Variants in ANK1 observed in about 807,000 individuals in gnomAD.
ANK1 encodes the protein ankyrin-1.
A neutral mutation model predicts 210.4 loss-of-function variants in ANK1; 51 were observed. The ratio of observed to expected loss-of-function variants is 0.24; its 90% CI spans 0.19 to 0.31. The LOEUF (loss-of-function observed/expected upper bound fraction) is 0.31. Among genes scored for constraint, ANK1 ranks in the 10% least tolerant of loss-of-function variants. The pLI, the probability that ANK1 is intolerant of heterozygous loss-of-function variation, is 1.00. For synonymous variants in ANK1, 967 were observed against 1,025.9 expected (o/e 0.94, Z 1.10); for missense variants, 2,051 against 2,504.4 (o/e 0.82, Z 3.86).
chr8:41,810,390 G>A lies in ANK1; in HGVS notation c.127-52253C>T, dbSNP rs574548917. ...CTATTTTATATTTCCCCCCAAAAGA[G>A]GGAAATCTTGGGCAATGGCCACTCC... On this transcript the variant is annotated intron_variant, in intron 1 of 42. Transcript: ENST00000265709. Among the ~76,000 whole-genome samples the A allele has an allele frequency of 2.6e-5, 4 of 152,322 alleles. No homozygotes were observed. The East Asian group carries it at 7.7e-4, about 29-fold the overall frequency.
intron 37 of ANK1, among the ~76,000 whole-genome samples, chr8:41,673,574 G>C (rs557253436): frequency 6.6e-6 from 1 of 152,274 alleles, no homozygotes; most frequent in Admixed American, 6.5e-5. Context: ...AGTGCTACAG[G>C]GGAGGGCTCT....
chr8:41,690,714 G>A, intron 31 of ANK1, 115 bp from the exon 32 acceptor site: 2 of 1,477,882 alleles, frequency 1.4e-6, no homozygotes, highest in Non-Finnish European at 1.9e-6. Context: ...CAAGAGGCAT[G>A]CGGGTGTGTG....
At chr8:41,816,535 CT>C (rs2150786486) in intron 1 of ANK1, among the ~76,000 whole-genome samples, 1 of 152,236 alleles carries the variant, frequency 6.6e-6, no homozygotes, top group South Asian at 2.1e-4. Flanking sequence ...AACTTCTGGG[CT>C]CAAGGGATCC....
chr8:41,828,699 G>C (rs948227465), intron 1 of ANK1: 23 of 153,454 alleles, frequency 1.5e-4, no homozygotes, highest in African/African-American at 5.3e-4. Flanking sequence ...GAGAGGGGGC[G>C]CTCGTAATGA....
Position 41,664,904 on chromosome 8 carries a change from G to T in ANK1, c.5395-1162C>A, listed in dbSNP as rs145094714. ...CCAGCTCCTTGTCCAGCTCCTGGTG[G>T]ATGTGCTTTAGCACAAAGCACAGGG... On this transcript the variant is annotated intron_variant, in intron 39 of 42. Transcript: ENST00000289734. 3,526 of 1,614,194 alleles carry T rather than the reference G, an allele frequency of 2.2e-3. 19 individuals carry two copies. The highest frequency in any genetic ancestry group is 0.011 in the South Asian group (1,046 of 91,084).
chr8:41,717,073 G>A, intron 12 of ANK1, 22 bp from the exon 13 acceptor site: 2 of 1,612,726 alleles, frequency 1.2e-6, no homozygotes, highest in Non-Finnish European at 1.7e-6. Context: ...CAAAATTATA[G>A]AACTGTTCAT....
In ANK1 at chr8:41,655,615, T is replaced by C; in HGVS notation, c.*175A>G. 1 of 1,322,568 alleles carries C rather than the reference T, an allele frequency of 7.6e-7. No homozygotes were observed. Among genetic ancestry groups the C allele is most frequent in the Non-Finnish European group, 1.1e-6 (1 of 923,692 alleles). The allele number at this position is 1,322,568 out of a possible 1,614,324, so 81.9% of individuals were successfully genotyped here. The stretch of plus-strand genomic sequence containing the variant: ...TCAGTCATTCATGCCAAGAGGGGAC[T>C]AGCAGGAGTCCCTTACAGAGGTCAT... On this transcript the variant is annotated 3_prime_UTR_variant, in exon 43 of 43. Coordinates refer to ENST00000289734, the MANE Select transcript of ANK1 (RefSeq NM_000037.4).
intron 1 of ANK1, among the ~76,000 whole-genome samples, chr8:41,876,710 G>A (rs1413321768): frequency 6.6e-6 from 1 of 152,170 alleles, no homozygotes; most frequent in Non-Finnish European, 1.5e-5. Flanking sequence ...CTAATCGCAC[G>A]TGTCATGTTT....
intron 1 of ANK1, among the ~76,000 whole-genome samples, chr8:41,793,480 C>T (rs1279583429): frequency 4.6e-5 from 7 of 152,234 alleles, no homozygotes; most frequent in East Asian, 1.9e-4. Flanking sequence ...ACTGTGAAGC[C>T]ACTGAAGATT....
intron 8 of ANK1, 95 bp downstream of exon 8, chr8:41,723,440 C>A (rs1335169306): frequency 6.9e-7 from 1 of 1,441,676 alleles, no homozygotes; most frequent in East Asian, 2.3e-5. Context: ...GTGGTGCATC[C>A]CTAACTAGGT....
chr8:41,682,388 G>C (rs1816341564), intron 37 of ANK1, among the ~76,000 whole-genome samples: 1 of 152,244 alleles, frequency 6.6e-6, no homozygotes, highest in Non-Finnish European at 1.5e-5. Flanking sequence ...CACGTTAACT[G>C]CTGGTGTGTG....
intron 1 of ANK1, among the ~76,000 whole-genome samples, chr8:41,824,520 C>T (rs538542097): frequency 6.6e-6 from 1 of 152,272 alleles, no homozygotes; most frequent in African/African-American, 2.4e-5. Flanking sequence ...CCTATGGAAA[C>T]AGAAATTCTA....
At chr8:41,876,027 G>A (rs1263021669) in intron 1 of ANK1, among the ~76,000 whole-genome samples, 2 of 151,942 alleles carry the variant, frequency 1.3e-5, no homozygotes, top group African/African-American at 4.8e-5. Flanking sequence ...CCGCGACCTC[G>A]CAGGTTCGCG....
chr8:41,710,246 C>T (rs544065313), intron 16 of ANK1, among the ~76,000 whole-genome samples: 8 of 152,022 alleles, frequency 5.3e-5, no homozygotes, highest in South Asian at 2.1e-4. Context: ...ATTTTTTTTG[C>T]GCTTCATTAA....
chr8:41,672,816 G>A lies in ANK1; in HGVS notation c.4634C>T (p.Ala1545Val). 2 of 1,608,908 alleles carry A rather than the reference G, an allele frequency of 1.2e-6. 1 individual carries two copies. Among genetic ancestry groups the A allele is most frequent in the South Asian group, 2.2e-5 (2 of 90,662 alleles). ...LRADQYWNEV[A>V]VLDAIPLAAT... is the part of the protein sequence containing the mutation. ...CGCCAAGGGGATGGCGTCTAGGACG[G>A]CCACCTCATTCCAGTACTGGTCTGC... Residue 1545 changes from alanine (A) to valine (V), a missense_variant, in exon 38 of 43, where the codon GCC becomes GTC. Transcript: ENST00000289734.
upstream of ANK1, among the ~76,000 whole-genome samples, chr8:41,802,423 G>A (rs12676578): frequency 1.3e-5 from 2 of 152,232 alleles, no homozygotes; most frequent in South Asian, 4.2e-4. Context: ...TCCTCTCCCA[G>A]CTGAACTGTG....
chr8:41,670,507 G>A (rs993809367), intron 38 of ANK1, among the ~76,000 whole-genome samples: 1 of 152,166 alleles, frequency 6.6e-6, no homozygotes, highest in African/African-American at 2.4e-5. Context: ...TCTCTCTCCC[G>A]GGAAGGCCAC....
At chr8:41,872,433 A>G (rs1329381708) in intron 1 of ANK1, among the ~76,000 whole-genome samples, 4 of 152,360 alleles carry the variant, frequency 2.6e-5, no homozygotes, top group African/African-American at 9.6e-5. Context: ...AAAGAGTGCC[A>G]GGAGCCACAG....
intron 12 of ANK1, among the ~76,000 whole-genome samples, 184 bp downstream of exon 12, chr8:41,717,420 G>A (rs1827998335): frequency 6.6e-6 from 1 of 152,224 alleles, no homozygotes; most frequent in Non-Finnish European, 1.5e-5. Context: ...CAAGGTTTAC[G>A]GATGTGTGAG....
Sources: allele counts gnomAD v4.1 joint callset (sites outside exome capture counted in the v4.1 genomes callset), GRCh38; gene constraint gnomAD v4.1.1; transcripts MANE v1.5; gene names NCBI Gene and HGNC (gene_info 2026-07-23, HGNC 2026-07-21).